Variants in GPR158 observed in about 807,000 individuals in gnomAD.
The protein encoded by GPR158 is metabotropic glycine receptor.
Under a neutral mutation model 78.2 loss-of-function variants are expected in GPR158, and 30 were observed. The ratio of observed to expected loss-of-function variants is 0.38; its 90% CI spans 0.29 to 0.52. GPR158 has a LOEUF of 0.52. GPR158 is among the 20% of genes least tolerant of loss of function. The pLI, the probability that GPR158 is intolerant of heterozygous loss-of-function variation, is 0.83. For missense variants in GPR158, 1,463 were observed against 1,523.5 expected (o/e 0.96, Z 0.66); for synonymous variants, 581 against 591.1 (o/e 0.98, Z 0.25).
rs1307497852 is a variant in GPR158, at chr10:25,601,053, C to A, written c.*1779C>A. ...TAACTATTTTTTATGTCACAAGCAG[C>A]AAGGAGGACATGCTAGGGTGATAAA... is the stretch of plus-strand genomic sequence containing the variant. On this transcript the variant is annotated 3_prime_UTR_variant, in exon 11 of 11. Transcript: ENST00000376351. 6.6e-6 allele frequency: 1 copy of A among 152,268 alleles called. No individual in the cohort carries two copies. Among genetic ancestry groups the A allele is most frequent in the Non-Finnish European group, 1.5e-5 (1 of 68,024 alleles). 9.4% of individuals were successfully genotyped at this position (152,268 alleles called of 1,614,324 possible). A position where few individuals can be genotyped will look rare whatever the true frequency, so the allele number is the denominator to read the frequency against.
intron 5 of GPR158, among the ~76,000 whole-genome samples, chr10:25,532,521 G>C (rs1265478912): frequency 6.6e-6 from 1 of 151,792 alleles, no homozygotes; most frequent in African/African-American, 2.4e-5. Flanking sequence ...AGATTCTCTT[G>C]CTTCTCCTTG....
At chr10:25,326,725 ATAT>A (rs1855039492) in intron 2 of GPR158, among the ~76,000 whole-genome samples, 1 of 152,228 alleles carries the variant, frequency 6.6e-6, no homozygotes, top group South Asian at 2.1e-4. Flanking sequence ...GTATACTTGA[ATAT>A]TATTAAGAGA....
chr10:25,559,567 G>T (rs989826929), intron 6 of GPR158, among the ~76,000 whole-genome samples: 1 of 152,152 alleles, frequency 6.6e-6, no homozygotes, highest in Non-Finnish European at 1.5e-5. Context: ...TAAGTAAATG[G>T]TATGTGCTAT....
At chr10:25,316,908 TG>T (rs1854861502) in intron 2 of GPR158, among the ~76,000 whole-genome samples, 2 of 89,772 alleles carry the variant, frequency 2.2e-5, no homozygotes, top group African/African-American at 1.7e-4. Flanking sequence ...TGTGTGTGTG[TG>T]TTTATGTGTG....
chr10:25,598,496 C>T lies in GPR158; in HGVS notation c.2870C>T (p.Ala957Val). 9.3e-6 allele frequency: 15 copies of T among 1,613,952 alleles called. No homozygotes were observed. Among genetic ancestry groups the T allele is most frequent in the Non-Finnish European group, 1.3e-5 (15 of 1,179,950 alleles). The change falls in exon 11 of 11, where the codon GCC becomes GTC. Residue 957 changes from alanine to valine, a missense_variant. Transcript: ENST00000376351. ...NSDNTETKDP[A>V]PQNSNPAEEP... ...GATAACACAGAGACTAAAGATCCTG[C>T]CCCCCAAAACTCAAATCCTGCGGAG...
rs71399958 is a variant in GPR158 at position 25,296,053 on chromosome 10, GA to G, written c.1008+74912del. Among the ~76,000 whole-genome samples, 310 of 138,428 alleles carry G rather than the reference GA, an allele frequency of 2.2e-3. 4 individuals carry two copies. In the South Asian group the frequency reaches 0.027, roughly 12 times the overall value. The allele number at this position is 138,428 out of a possible 152,430, so 90.8% of individuals were successfully genotyped here. ...AGAAAAGCATAGCAGGGGCAGGGAG[GA>G]AAAAAAAAAAAAAAACCTAAGCAAG... is the stretch of plus-strand genomic sequence containing the variant. On this transcript the variant is annotated intron_variant, in intron 2 of 10. Coordinates refer to ENST00000376351, the MANE Select transcript of GPR158 (RefSeq NM_020752.3).
intron 2 of GPR158, among the ~76,000 whole-genome samples, chr10:25,280,963 CCT>C (rs574858015): frequency 2.4e-3 from 366 of 151,500 alleles, no homozygotes; most frequent in Admixed American, 9.7e-3. Flanking sequence ...GGCAAAATCC[CCT>C]CTCTACTAAA....
intron 2 of GPR158, among the ~76,000 whole-genome samples, chr10:25,361,529 C>T (rs1217039743): frequency 4.6e-5 from 7 of 151,816 alleles, no homozygotes; most frequent in African/African-American, 7.2e-5. Context: ...CCCATAGTGC[C>T]GGCACCATTT....
At chr10:25,401,377 T>C (rs752182192) in intron 3 of GPR158, among the ~76,000 whole-genome samples, 2 of 152,144 alleles carry the variant, frequency 1.3e-5, no homozygotes, top group Non-Finnish European at 2.9e-5. Context: ...TTGCCGGTCT[T>C]ATGTTTTTGC....
At chr10:25,490,617 T>C (rs1835794531) in intron 5 of GPR158, among the ~76,000 whole-genome samples, 1 of 150,680 alleles carries the variant, frequency 6.6e-6, no homozygotes, top group East Asian at 2.0e-4. Context: ...ACAAAGGACA[T>C]GAACTCATCC....
In GPR158 at chr10:25,486,459, A is replaced by C. The variant is rs1425867203; in HGVS notation, c.1404+19740A>C. Among the ~76,000 whole-genome samples the C allele has an allele frequency of 3.3e-5, 5 of 152,270 alleles. No individual in the cohort carries two copies. In the South Asian group the frequency reaches 6.2e-4, roughly 19 times the overall value. On this transcript the variant is annotated intron_variant, in intron 5 of 10. Coordinates refer to ENST00000376351, the MANE Select transcript of GPR158 (RefSeq NM_020752.3). Reference sequence around the variant, plus strand: ...AGTAATAACGTCATCATGGGAGACTACATGATTTTATGAATGCAGAATGCT... The same window carrying C: ...AGTAATAACGTCATCATGGGAGACTCCATGATTTTATGAATGCAGAATGCT...
chr10:25,483,839 A>C (rs980544405), intron 5 of GPR158, among the ~76,000 whole-genome samples: 56 of 152,232 alleles, frequency 3.7e-4, no homozygotes, highest in African/African-American at 1.3e-3. Flanking sequence ...AGATTTTTTT[A>C]ATTGTAAATC....
At chr10:25,507,148 G>A (rs1836023953) in intron 5 of GPR158, among the ~76,000 whole-genome samples, 1 of 152,168 alleles carries the variant, frequency 6.6e-6, no homozygotes, top group Admixed American at 6.5e-5. Flanking sequence ...TAGGACAGAT[G>A]GAAAGGAGAA....
rs904945255 is a variant in GPR158 at position 25,221,017 on chromosome 10, A to T, written c.903-35A>T. On this transcript the variant is annotated intron_variant, in intron 1 of 10. Coordinates refer to ENST00000376351, the MANE Select transcript of GPR158 (RefSeq NM_020752.3). Reference sequence around the variant, plus strand: ...ATACAGAGAAATCATAAATGTCCAGATTAATTTGTTCTTTTTATCCTTTTC... The same window carrying T: ...ATACAGAGAAATCATAAATGTCCAGTTTAATTTGTTCTTTTTATCCTTTTC... 7.3e-6 allele frequency: 8 copies of T among 1,094,996 alleles called. No homozygotes were observed. In the South Asian group the frequency reaches 8.1e-5, roughly 11 times the overall value. The allele number at this position is 1,094,996 out of a possible 1,614,324, so 67.8% of individuals were successfully genotyped here.
intron 2 of GPR158, among the ~76,000 whole-genome samples, chr10:25,295,453 A>G (rs1287196292): frequency 2.0e-5 from 3 of 152,000 alleles, no homozygotes; most frequent in Non-Finnish European, 2.9e-5. Flanking sequence ...TCACTCTGTC[A>G]CCCAGGCTGG....
At chr10:25,476,384 G>GT (rs56271781) in intron 5 of GPR158, among the ~76,000 whole-genome samples, 119,091 of 144,398 alleles carry the variant, frequency 0.82, 49,786 homozygotes, top group Non-Finnish European at 0.9. Context: ...TTTAATAAGG[G>GT]TTTTTTTTTT....
At chr10:25,404,596 A>G (rs1307209084) in intron 3 of GPR158, among the ~76,000 whole-genome samples, 3 of 152,094 alleles carry the variant, frequency 2.0e-5, no homozygotes, top group African/African-American at 7.2e-5. Context: ...GGAAGATAAT[A>G]AAGTGTATAG....
chr10:25,443,342 G>A (rs901833206), intron 4 of GPR158, among the ~76,000 whole-genome samples: 1 of 151,852 alleles, frequency 6.6e-6, no homozygotes, highest in African/African-American at 2.4e-5. Context: ...ATCACCTGAG[G>A]TCAGGATTTC....
At chr10:25,371,309 G>T (rs12255378) in intron 2 of GPR158, among the ~76,000 whole-genome samples, 1 of 151,894 alleles carries the variant, frequency 6.6e-6, no homozygotes, top group Non-Finnish European at 1.5e-5. Flanking sequence ...GCTGGTACCA[G>T]TTGTTCCTTT....
Sources: gnomAD v4.1 joint callset for allele counts (sites outside exome capture counted in the v4.1 genomes callset) on GRCh38, gnomAD v4.1.1 for gene constraint, MANE v1.5 for transcripts, NCBI Gene and HGNC (gene_info 2026-07-23, HGNC 2026-07-21) for gene names.